COL15A1: variants seen among roughly 807,000 people sequenced by gnomAD.
COL15A1 encodes the protein collagen alpha-1(XV) chain.
COL15A1 carries 111 observed loss-of-function variants against 165.9 expected under a neutral mutation model. The ratio of observed to expected loss-of-function variants is 0.67; its 90% CI spans 0.57 to 0.78. The LOEUF (loss-of-function observed/expected upper bound fraction) is 0.78, where lower values mean the gene tolerates loss of function less well. Ranked by LOEUF, COL15A1 falls within the 30% of genes least tolerant of loss-of-function variation. COL15A1 has a pLI of 0.00. For synonymous variants in COL15A1, 659 were observed against 674.8 expected (o/e 0.98, Z 0.36); for missense variants, 1,745 against 1,789.7 (o/e 0.98, Z 0.45).
Position 99,052,388 on chromosome 9 carries a change from GTT to G in COL15A1, c.2906_2907del (p.Val969GlyfsTer17), listed in dbSNP as rs1193769373. The G allele has an allele frequency of 6.2e-7, 1 of 1,611,886 alleles. No homozygotes were observed. The highest frequency in any genetic ancestry group is 8.5e-7 in the Non-Finnish European group (1 of 1,177,960). ...IPVRPHCKMPVDTAHPGSPEL... is the reference protein window; with the variant it reads ...IPVRPHCKMPXDTAHPGSPEL... ...TAACCTGGCCTTCCTCTCTTTCCAG[GTT>G]GATACTGCTCATCCTGGGAGTCCAG... On this transcript the variant is annotated frameshift_variant and splice_region_variant, in exon 31 of 42. Coordinates refer to ENST00000375001, the MANE Select transcript of COL15A1 (RefSeq NM_001855.5). LOFTEE classifies it high-confidence loss of function.
At chr9:99,056,560 C>T (rs1486323566) in intron 35 of COL15A1, among the ~76,000 whole-genome samples, 156 bp downstream of exon 35, 6 of 152,096 alleles carry the variant, frequency 3.9e-5, no homozygotes, top group African/African-American at 1.4e-4. Context: ...ACAATTTGCA[C>T]ATCATAAAAT....
At chr9:99,060,256 A>ATATT (rs1554691785) in intron 36 of COL15A1, among the ~76,000 whole-genome samples, 39 of 137,164 alleles carry the variant, frequency 2.8e-4, no homozygotes, top group South Asian at 4.5e-4. Context: ...ATATATATAT[A>ATATT]TTTTTTTTTT....
intron 16 of COL15A1, among the ~76,000 whole-genome samples, chr9:99,027,863 A>G (rs1213664183): frequency 6.6e-6 from 1 of 152,256 alleles, no homozygotes; most frequent in East Asian, 1.9e-4. Context: ...CCTTAAAAAC[A>G]AAACAAAACC....
chr9:99,068,784 C>T (rs1305198403), intron 41 of COL15A1, 114 bp downstream of exon 41: 2 of 651,814 alleles, frequency 3.1e-6, no homozygotes, highest in Admixed American at 3.7e-5. Flanking sequence ...CATAAAGCCA[C>T]AGTGAGGCAA....
chr9:99,009,335 A>C (rs191764796), intron 9 of COL15A1, among the ~76,000 whole-genome samples: 1 of 152,284 alleles, frequency 6.6e-6, no homozygotes, highest in Non-Finnish European at 1.5e-5. Flanking sequence ...ATGCTAAAAC[A>C]TATCAGAATC....
chr9:99,015,530 C>T lies in COL15A1; in HGVS notation c.1467C>T (p.Leu489=), dbSNP rs760146673. 2 of 1,613,886 alleles carry T rather than the reference C, an allele frequency of 1.2e-6. No homozygotes were observed. The highest frequency in any genetic ancestry group is 2.2e-5 in the East Asian group (1 of 44,888). ...SGVPTDGLAP[L]TATMAPERAV... The stretch of plus-strand genomic sequence containing the variant: ...TCCCCACAGATGGCCTGGCTCCCCT[C>T]ACAGCCACCATGGCCCCTGAGCGGG... Residue 489 remains leucine, a synonymous_variant, in exon 10 of 42, where the codon CTC becomes CTT. Coordinates refer to ENST00000375001, the MANE Select transcript of COL15A1 (RefSeq NM_001855.5).
chr9:99,048,561 CTT>C (rs1206815407), intron 28 of COL15A1, among the ~76,000 whole-genome samples: 1 of 152,002 alleles, frequency 6.6e-6, no homozygotes, highest in Non-Finnish European at 1.5e-5. Context: ...TATTATTATA[CTT>C]TAAGTTCTAG....
intron 5 of COL15A1, 88 bp downstream of exon 5, chr9:98,989,346 A>G: frequency 9.4e-7 from 1 of 1,063,228 alleles, no homozygotes. Context: ...CCTGGGTCTG[A>G]CCTCTTTGTT....
chr9:99,060,056 C>T lies in COL15A1; in HGVS notation c.3402+103C>T, dbSNP rs1303797764. On this transcript the variant is annotated intron_variant, in intron 36 of 41. Coordinates refer to ENST00000375001, the MANE Select transcript of COL15A1 (RefSeq NM_001855.5). ...GTCTGACATCCCTTGGGGATCAGGC[C>T]TTCATGATAGTAGGCTTGGTGCAAT... The T allele has an allele frequency of 6.3e-6, 8 of 1,272,638 alleles. No individual in the cohort carries two copies. The Admixed American group carries it at 1.2e-4, about 19-fold the overall frequency. 78.8% of individuals were successfully genotyped at this position (1,272,638 alleles called of 1,614,324 possible).
chr9:99,008,430 A>G (rs759571822), intron 9 of COL15A1, among the ~76,000 whole-genome samples: 8 of 152,214 alleles, frequency 5.3e-5, no homozygotes, highest in Non-Finnish European at 1.2e-4. Flanking sequence ...ATGCCATTCC[A>G]GTCAAAACCA....
At chr9:99,024,469 A>G (rs1588520623) in intron 14 of COL15A1, among the ~76,000 whole-genome samples, 1 of 151,930 alleles carries the variant, frequency 6.6e-6, no homozygotes, top group East Asian at 1.9e-4. Flanking sequence ...TATTTTTAGT[A>G]GAGACAGGGT....
intron 9 of COL15A1, among the ~76,000 whole-genome samples, chr9:99,013,562 A>AC (rs1838879820): frequency 6.6e-6 from 1 of 151,986 alleles, no homozygotes; most frequent in East Asian, 1.9e-4. Context: ...AAAAAAAAAA[A>AC]AAACAGCTAA....
At chr9:98,948,905 A>C (rs1419354560) in intron 2 of COL15A1, among the ~76,000 whole-genome samples, 1 of 152,264 alleles carries the variant, frequency 6.6e-6, no homozygotes. Context: ...CTAAAGGTAC[A>C]GTACAATCTT....
chr9:99,026,503 C>T (rs2119023098), intron 16 of COL15A1, among the ~76,000 whole-genome samples: 1 of 152,348 alleles, frequency 6.6e-6, no homozygotes, highest in Middle Eastern at 3.4e-3. Context: ...GCCTGCAGGA[C>T]ACACCCTAGC....
intron 31 of COL15A1, 136 bp from the exon 32 acceptor site, chr9:99,054,440 T>G: frequency 1.1e-6 from 1 of 873,076 alleles, no homozygotes; most frequent in East Asian, 2.8e-5. Flanking sequence ...ATTTTACACT[T>G]GCTGATCTCT....
intron 2 of COL15A1, among the ~76,000 whole-genome samples, chr9:98,944,786 G>T (rs943665639): frequency 1.3e-5 from 2 of 152,252 alleles, no homozygotes; most frequent in Non-Finnish European, 2.9e-5. Flanking sequence ...TGGCTCCACC[G>T]GTGGTGGAAA....
chr9:98,956,457 A>C (rs750084061), intron 2 of COL15A1, among the ~76,000 whole-genome samples: 10 of 152,234 alleles, frequency 6.6e-5, no homozygotes, highest in Non-Finnish European at 1.3e-4. Context: ...ACACACATGC[A>C]TATCCACATA....
chr9:98,943,930 C>A lies in COL15A1; in HGVS notation c.-132C>A, dbSNP rs1038854426. The A allele has an allele frequency of 1.1e-5, 13 of 1,234,424 alleles. No individual in the cohort carries two copies. Among genetic ancestry groups the A allele is most frequent in the Middle Eastern group, 5.5e-4 (2 of 3,606 alleles). The allele number at this position is 1,234,424 out of a possible 1,614,324, so 76.5% of individuals were successfully genotyped here. A position where few individuals can be genotyped will look rare whatever the true frequency, so the allele number is the denominator to read the frequency against. ...GGATTCTGCCCGCCGCCGCCGCTGC[C>A]GAGCGCCGCCTTTGTTCCCTGCAGG... On this transcript the variant is annotated 5_prime_UTR_variant, in exon 1 of 42. Coordinates refer to ENST00000375001, the MANE Select transcript of COL15A1 (RefSeq NM_001855.5).
At chr9:98,991,014 A>C (rs1838414230) in intron 5 of COL15A1, among the ~76,000 whole-genome samples, 1 of 149,142 alleles carries the variant, frequency 6.7e-6, no homozygotes, top group African/African-American at 2.5e-5. Context: ...GAGTGTTACA[A>C]CTCTTAGGGC....
Sources: allele counts gnomAD v4.1 joint callset (sites outside exome capture counted in the v4.1 genomes callset), GRCh38; gene constraint gnomAD v4.1.1; transcripts MANE v1.5; gene names NCBI Gene and HGNC (gene_info 2026-07-23, HGNC 2026-07-21).